The following CDADC1 variants were observed in gnomAD, a reference collection of about 807,000 sequenced individuals.
CDADC1 encodes the protein dCTP deaminase.
CDADC1 carries 39 observed loss-of-function variants against 54.9 expected under a neutral mutation model. That is an observed-to-expected ratio of 0.71 (90% CI 0.55 to 0.93). The LOEUF (loss-of-function observed/expected upper bound fraction) is 0.93. Ranked by LOEUF, CDADC1 falls within the 40% of genes least tolerant of loss-of-function variation. The probability of loss-of-function intolerance (pLI) is 0.00; values close to 1 mark genes in which losing one functional copy is unlikely to be tolerated. For missense variants in CDADC1, 518 were observed against 618.8 expected (o/e 0.84, Z 1.73); for synonymous variants, 186 against 204.0 (o/e 0.91, Z 0.75).
At chr13:49,261,457 CT>C (rs1952684310) in intron 4 of CDADC1, among the ~76,000 whole-genome samples, 1 of 152,176 alleles carries the variant, frequency 6.6e-6, no homozygotes, top group Non-Finnish European at 1.5e-5. Flanking sequence ...TCATGTTCAA[CT>C]GACCTACAGT....
chr13:49,274,936 G>A (rs991009028), intron 6 of CDADC1, among the ~76,000 whole-genome samples: 1 of 152,082 alleles, frequency 6.6e-6, no homozygotes, highest in Non-Finnish European at 1.5e-5. Context: ...AGAACATAGA[G>A]GAGGAACCTT....
chr13:49,285,164 C>CT (rs1040605244), intron 8 of CDADC1, among the ~76,000 whole-genome samples: 145 of 143,490 alleles, frequency 1.0e-3, no homozygotes, highest in African/African-American at 2.9e-3. Flanking sequence ...TTTTTCTTTT[C>CT]TTTTTTTTTT....
chr13:49,284,035 A>G (rs1953432958), intron 8 of CDADC1, among the ~76,000 whole-genome samples: 1 of 152,160 alleles, frequency 6.6e-6, no homozygotes, highest in Non-Finnish European at 1.5e-5. Context: ...ACTTTGAAAG[A>G]TTTTTTGCTT....
intron 4 of CDADC1, among the ~76,000 whole-genome samples, chr13:49,260,490 A>G (rs1237534825): frequency 6.6e-6 from 1 of 152,232 alleles, no homozygotes; most frequent in Non-Finnish European, 1.5e-5. Flanking sequence ...TGGAAGTCAC[A>G]TACATCATTT....
chr13:49,263,801 A>C (rs1321641547), intron 4 of CDADC1, among the ~76,000 whole-genome samples: 1 of 152,210 alleles, frequency 6.6e-6, no homozygotes, highest in African/African-American at 2.4e-5. Flanking sequence ...ACAATGTATA[A>C]GTGATGGAAT....
At position 49,274,282 on chromosome 13, in the gene CDADC1, A is replaced by G. The variant is rs1233717790; in HGVS notation, c.1001-9A>G. On this transcript the variant is annotated splice_polypyrimidine_tract_variant and intron_variant, in intron 5 of 9. Coordinates refer to ENST00000251108, the MANE Select transcript of CDADC1 (RefSeq NM_030911.4). Reference sequence around the variant, plus strand: ...ATTTTTACTGAGTTAAATGCCATATATCTTTCAGAGGATCATAAAACAGGA... The same window carrying G: ...ATTTTTACTGAGTTAAATGCCATATGTCTTTCAGAGGATCATAAAACAGGA... The G allele has an allele frequency of 1.9e-6, 3 of 1,604,498 alleles. No individual in the cohort carries two copies. The highest frequency in any genetic ancestry group is 2.6e-6 in the Non-Finnish European group (3 of 1,173,260).
chr13:49,262,634 G>A (rs1262757708), intron 4 of CDADC1, among the ~76,000 whole-genome samples: 4 of 152,024 alleles, frequency 2.6e-5, no homozygotes, highest in Admixed American at 6.5e-5. Context: ...AGGTTCAAGC[G>A]ATTCCCCTGC....
Position 49,292,277 on chromosome 13 carries a change from T to C in CDADC1, c.*520T>C. ...CAGAATTTACTTAATTAGAATTGAC[T>C]CATAAAAATAAAGTTAGTGGACTTT... is the stretch of plus-strand genomic sequence containing the variant. On this transcript the variant is annotated 3_prime_UTR_variant, in exon 10 of 10. Transcript: ENST00000251108. 2 of 976,624 alleles carry C rather than the reference T, an allele frequency of 2.0e-6. No individual in the cohort carries two copies. The highest frequency in any genetic ancestry group is 9.4e-5 in the South Asian group (2 of 21,356). 60.5% of individuals were successfully genotyped at this position (976,624 alleles called of 1,614,324 possible).
At chr13:49,273,817 T>C (rs1953031318) in intron 5 of CDADC1, among the ~76,000 whole-genome samples, 1 of 152,246 alleles carries the variant, frequency 6.6e-6, no homozygotes, top group Non-Finnish European at 1.5e-5. Flanking sequence ...AACATTTTCA[T>C]AAGATATATT....
At chr13:49,289,531 A>C (rs1953638652) in intron 9 of CDADC1, among the ~76,000 whole-genome samples, 1 of 152,210 alleles carries the variant, frequency 6.6e-6, no homozygotes, top group Non-Finnish European at 1.5e-5. Context: ...TTAAAAGCAA[A>C]AACTGGAAAT....
chr13:49,260,926 T>C (rs1047754066), intron 4 of CDADC1, among the ~76,000 whole-genome samples: 12 of 152,328 alleles, frequency 7.9e-5, no homozygotes, highest in Admixed American at 7.2e-4. Context: ...TTAAGCTTGA[T>C]CTTGATGCGT....
chr13:49,248,465 C>T (rs1952346929), intron 1 of CDADC1: 1 of 337,058 alleles, frequency 3.0e-6, no homozygotes, highest in Non-Finnish European at 5.4e-6. Flanking sequence ...GCTTTACCGT[C>T]GAAGGTCAGC....
chr13:49,248,875 G>A lies in CDADC1; in HGVS notation c.87G>A (p.Gln29=), dbSNP rs142670755. The A allele has an allele frequency of 1.5e-5, 24 of 1,596,530 alleles. No homozygotes were observed. In the African/African-American group the frequency reaches 2.5e-4, roughly 17 times the overall value. The change falls in exon 2 of 10, where the codon CAG becomes CAA. Residue 29 remains glutamine, a synonymous_variant. Transcript: ENST00000251108. ...TGTTTGTCGTCTCTTTTGTAGGTCAGATACCAAGGCTTTCTAAAGTCAACC... is the reference window on the plus strand; with the variant it reads ...TGTTTGTCGTCTCTTTTGTAGGTCAAATACCAAGGCTTTCTAAAGTCAACC... ...VSTQTGSMTG[Q]IPRLSKVNLF...
At chr13:49,254,144 T>C (rs551103994) in intron 2 of CDADC1, among the ~76,000 whole-genome samples, 221 of 152,278 alleles carry the variant, frequency 1.5e-3, no homozygotes, top group Non-Finnish European at 2.1e-3. Flanking sequence ...ACTGTTATTA[T>C]CATCACTCAT....
chr13:49,268,209 TA>T (rs1236370829), intron 5 of CDADC1, 150 bp downstream of exon 5: 2 of 646,050 alleles, frequency 3.1e-6, no homozygotes, highest in African/African-American at 3.7e-5. Flanking sequence ...GACCCTTGAG[TA>T]GACAACTCTT....
intron 9 of CDADC1, among the ~76,000 whole-genome samples, chr13:49,290,567 C>T (rs1425608036): frequency 6.6e-6 from 1 of 152,092 alleles, no homozygotes; most frequent in Non-Finnish European, 1.5e-5. Flanking sequence ...AACATACAGG[C>T]TCAGGGCAGG....
At chr13:49,286,071 C>T (rs539267513) in intron 8 of CDADC1, 151 bp from the exon 9 acceptor site, 7 of 573,182 alleles carry the variant, frequency 1.2e-5, no homozygotes, top group South Asian at 1.0e-4. Context: ...ACCTTGGCCT[C>T]CCAAAGTGCT....
intron 2 of CDADC1, among the ~76,000 whole-genome samples, chr13:49,254,895 C>T (rs960415257): frequency 6.6e-6 from 1 of 152,210 alleles, no homozygotes; most frequent in Non-Finnish European, 1.5e-5. Context: ...GTCCCTGCCT[C>T]AAAACTTTCT....
intron 9 of CDADC1, among the ~76,000 whole-genome samples, chr13:49,290,894 C>A (rs189676774): frequency 1.3e-5 from 2 of 152,242 alleles, no homozygotes; most frequent in East Asian, 3.9e-4. Flanking sequence ...TTATTGCATA[C>A]TTTAAACATG....
Sources: allele counts gnomAD v4.1 joint callset (sites outside exome capture counted in the v4.1 genomes callset), GRCh38; gene constraint gnomAD v4.1.1; transcripts MANE v1.5; gene names NCBI Gene and HGNC (gene_info 2026-07-23, HGNC 2026-07-21).